TTN: variants seen among roughly 807,000 people sequenced by gnomAD.
TTN encodes the protein titin.
Under a neutral mutation model 3,223.0 loss-of-function variants are expected in TTN, and 1,525 were observed. The ratio of observed to expected loss-of-function variants is 0.47; its 90% CI spans 0.45 to 0.49. The LOEUF (loss-of-function observed/expected upper bound fraction) is 0.49, where lower values mean the gene tolerates loss of function less well. Ranked by LOEUF, TTN falls within the 20% of genes least tolerant of loss-of-function variation. TTN has a pLI of 0.00. For missense variants in TTN, 40,786 were observed against 43,424.0 expected, an observed-to-expected ratio of 0.94 and a Z score of 5.40; for synonymous variants, 14,094 against 15,161.0, an observed-to-expected ratio of 0.93 and a Z score of 5.17.
In TTN at chr2:178,688,747, T is replaced by C; in HGVS notation, c.32127A>G (p.Glu10709=). Residue 10709 remains glutamate (E), a synonymous_variant, in exon 126 of 363, where the codon GAA becomes GAG. Coordinates refer to ENST00000589042, the MANE Select transcript of TTN (RefSeq NM_001267550.2). Reference sequence around the variant, plus strand: ...GTTTTTCTTCAGCAACAAATCTCTTTTCTTCTACAACAGTTTTCTTAGAGA... The same window carrying C: ...GTTTTTCTTCAGCAACAAATCTCTTCTCTTCTACAACAGTTTTCTTAGAGA... ...AEVSKKTVVE[E]KRFVAEEKLS... 1 of 1,613,546 alleles carries C rather than the reference T, an allele frequency of 6.2e-7. No homozygotes were observed.
rs978606098 is a variant in TTN, at chr2:178,715,896, G to C, written c.25640-122C>G. 8.7e-6 allele frequency: 8 copies of C among 922,090 alleles called. No individual in the cohort carries two copies. In the Admixed American group the frequency reaches 9.2e-5, roughly 11 times the overall value. The allele number at this position is 922,090 out of a possible 1,614,324, so 57.1% of individuals were successfully genotyped here. ...TAGCTCTGGAAAACAAATTTATGCA[G>C]TTCAAGGAAGAAGAGTTAAATGAAA... On this transcript the variant is annotated intron_variant, in intron 88 of 362. Transcript: ENST00000589042.
rs767194702 is a variant in TTN, at chr2:178,562,723, G to A, written c.83409C>T (p.Val27803=). Reference sequence around the variant, plus strand: ...CTTTTCTTGTAGTTTCTCGTTTTTCGACAATGTAGTTTGTAATCTTAGCTC... The same window carrying A: ...CTTTTCTTGTAGTTTCTCGTTTTTCAACAATGTAGTTTGTAATCTTAGCTC... The part of the protein sequence containing the change: ...DGGAKITNYI[V]EKRETTRKAY... Residue 27803 remains valine (V), a synonymous_variant, in exon 326 of 363, where the codon GTC becomes GTT. Coordinates refer to ENST00000589042, the MANE Select transcript of TTN (RefSeq NM_001267550.2). The A allele has an allele frequency of 1.0e-5, 16 of 1,599,668 alleles. No individual in the cohort carries two copies. Among genetic ancestry groups the A allele is most frequent in the Admixed American group, 5.2e-5 (3 of 57,580 alleles).
At chr2:178,671,779 A>G (rs1171901944) in intron 155 of TTN, among the ~76,000 whole-genome samples, 192 bp downstream of exon 155, 1 of 151,808 alleles carries the variant, frequency 6.6e-6, no homozygotes, top group African/African-American at 2.4e-5. Context: ...GTAGATATCA[A>G]ATATTACTAT....
rs1410470675 is a variant in TTN, at chr2:178,733,389, C to T, written c.15904G>A (p.Val5302Ile). Residue 5302 changes from valine to isoleucine, a missense_variant, in exon 54 of 363, where the codon GTC (valine) becomes ATC (isoleucine). Transcript: ENST00000589042. ...PKWYKDGRPLVASKKYRISFK... is the reference protein window; with the variant it reads ...PKWYKDGRPLIASKKYRISFK... ...CTTATTCGGTATTTTTTACTGGCGA[C>T]CAAGGGTCTCCCATCTTTGTACCAT... is the stretch of plus-strand genomic sequence containing the variant. 2 of 1,613,628 alleles carry T rather than the reference C, an allele frequency of 1.2e-6. No individual in the cohort carries two copies. The highest frequency in any genetic ancestry group is 1.7e-6 in the Non-Finnish European group (2 of 1,179,774).
At position 178,632,514 on chromosome 2, in the gene TTN, A is replaced by G; in HGVS notation, c.43480+12T>C. Reference sequence around the variant, plus strand: ...ATGATTTTGGGGTGGACTATTTGATAAAACTATTTACCTTCAATGATCAGT... The same window carrying G: ...ATGATTTTGGGGTGGACTATTTGATGAAACTATTTACCTTCAATGATCAGT... On this transcript the variant is annotated intron_variant, in intron 235 of 362. Coordinates refer to ENST00000589042, the MANE Select transcript of TTN (RefSeq NM_001267550.2). 6.2e-7 allele frequency: 1 copy of G among 1,610,020 alleles called. No individual in the cohort carries two copies. The highest frequency in any genetic ancestry group is 8.5e-7 in the Non-Finnish European group (1 of 1,178,834).
intron 250 of TTN, 49 bp downstream of exon 250, chr2:178,619,572 A>G: frequency 6.3e-7 from 1 of 1,592,192 alleles, no homozygotes; most frequent in Admixed American, 1.8e-5. Flanking sequence ...GAAATCTGAA[A>G]TCTAAACTCT....
Position 178,531,317 on chromosome 2 carries a change from C to G in TTN, c.105298G>C (p.Ala35100Pro). 1 of 1,613,984 alleles carries G rather than the reference C, an allele frequency of 6.2e-7. No individual in the cohort carries two copies. Among genetic ancestry groups the G allele is most frequent in the Non-Finnish European group, 8.5e-7 (1 of 1,179,878 alleles). ...GCAGCACTTTTCATTTCTGCAGATG[C>G]AGAGTGTTCATATGAGGAGAGACTT... ...RESLSSYEHS[A>P]SAEMKSAALE... The change falls in exon 358 of 363, where the codon GCA becomes CCA. Residue 35100 changes from alanine to proline, a missense_variant. Transcript: ENST00000589042.
chr2:178,572,365 G>C lies in TTN; in HGVS notation c.73767C>G (p.Tyr24589Ter). The C allele has an allele frequency of 6.2e-7, 1 of 1,612,652 alleles. No homozygotes were observed. Among genetic ancestry groups the C allele is most frequent in the Non-Finnish European group, 8.5e-7 (1 of 1,178,926 alleles). Residue 24589 changes from tyrosine (Y) to a stop codon, truncating the protein, a stop_gained, in exon 326 of 363, where the codon TAC (tyrosine) becomes TAG (stop). Coordinates refer to ENST00000589042, the MANE Select transcript of TTN (RefSeq NM_001267550.2). LOFTEE classifies it high-confidence loss of function. ...KVDQLQEGCS[Y>*]YFRVLAENEY... ...CATTTTCTGCGAGAACCCTGAAATA[G>C]TAGCTACAGCCTTCTTGAAGCTGGT...
Position 178,739,208 on chromosome 2 carries a change from A to G in TTN, c.14025T>C (p.Tyr4675=). 1 of 1,560,722 alleles carries G rather than the reference A, an allele frequency of 6.4e-7. No homozygotes were observed. ...KVNTEDHQGE[Y]VCEALNDSGK... is the part of the protein sequence containing the mutation. ...CGCTGTCATTCAAGGCCTCACAGAC[A>G]TACTCTCCTTGATGGTCTTCGGTAT... is the stretch of plus-strand genomic sequence containing the variant. The change falls in exon 48 of 363, where the codon TAT becomes TAC. Residue 4675 remains tyrosine (Y), a synonymous_variant. Transcript: ENST00000589042.
At chr2:178,751,179 T>C in intron 47 of TTN, 1 of 1,611,384 alleles carries the variant, frequency 6.2e-7, no homozygotes, top group Non-Finnish European at 8.5e-7. Context: ...GAGAACAGAA[T>C]ATCTTTATCA....
In TTN at chr2:178,551,215, A is replaced by G. The variant is rs561319486; in HGVS notation, c.91316T>C (p.Ile30439Thr). The G allele has an allele frequency of 9.3e-6, 15 of 1,613,432 alleles. No homozygotes were observed. In the East Asian group the frequency reaches 3.1e-4, roughly 34 times the overall value. Reference sequence around the variant, plus strand: ...CAATGGTGGGTTCCATTTAAGTGTGATGGTTTCCCGGGTGACATCAATGTA... The same window carrying G: ...CAATGGTGGGTTCCATTTAAGTGTGGTGGTTTCCCGGGTGACATCAATGTA... ...PDYIDVTRET[I>T]TLKWNPPLRD... The change falls in exon 336 of 363, where the codon ATC becomes ACC. Residue 30439 changes from isoleucine (I) to threonine (T), a missense_variant. Physicochemically the swap from Ile to Thr is moderately conservative, Grantham distance 89. Coordinates refer to ENST00000589042, the MANE Select transcript of TTN (RefSeq NM_001267550.2).
Position 178,617,141 on chromosome 2 carries a change from G to C in TTN, c.47854C>G (p.Leu15952Val), listed in dbSNP as rs2057492461. 2 of 1,608,988 alleles carry C rather than the reference G, an allele frequency of 1.2e-6. No homozygotes were observed. Among genetic ancestry groups the C allele is most frequent in the Non-Finnish European group, 1.7e-6 (2 of 1,177,394 alleles). ...VSDPSEILGP[L>V]TADDAFVEPT... is the part of the protein sequence containing the mutation. Reference sequence around the variant, plus strand: ...TTACCAAATGCATCGTCAGCGGTGAGAGGACCAAGAATTTCAGATGGATCT... The same window carrying C: ...TTACCAAATGCATCGTCAGCGGTGACAGGACCAAGAATTTCAGATGGATCT... The change falls in exon 255 of 363, where the codon CTC becomes GTC. Residue 15952 changes from leucine to valine, a missense_variant. Coordinates refer to ENST00000589042, the MANE Select transcript of TTN (RefSeq NM_001267550.2).
chr2:178,776,525 G>A lies in TTN; in HGVS notation c.5339C>T (p.Thr1780Ile). 6.2e-7 allele frequency: 1 copy of A among 1,609,848 alleles called. No homozygotes were observed. The highest frequency in any genetic ancestry group is 1.1e-5 in the South Asian group (1 of 91,086). ...RDSGIITCRATNKYGTDHTSA... is the reference protein window; with the variant it reads ...RDSGIITCRAINKYGTDHTSA... ...TGTGTGATCTGTTCCATATTTGTTA[G>A]TGGCTCTGCAAGTAATGATACCACT... Residue 1780 changes from threonine (T) to isoleucine (I), a missense_variant, in exon 28 of 363, where the codon ACT (threonine) becomes ATT (isoleucine). Transcript: ENST00000589042.
Position 178,725,537 on chromosome 2 carries a change from T to G in TTN, c.20667A>C (p.Lys6889Asn). The G allele has an allele frequency of 6.2e-7, 1 of 1,613,280 alleles. No homozygotes were observed. The highest frequency in any genetic ancestry group is 8.5e-7 in the Non-Finnish European group (1 of 1,179,474). Reference protein sequence around the residue: ...GAQPIFVQWLKEKEEVIRESE... With the variant: ...GAQPIFVQWLNEKEEVIRESE... ...TTTCTCTAATCACTTCTTCCTTCTCTTTAAGCCACTGGACAAAAATAGGCT... is the reference window on the plus strand; with the variant it reads ...TTTCTCTAATCACTTCTTCCTTCTCGTTAAGCCACTGGACAAAAATAGGCT... The change falls in exon 71 of 363, where the codon AAA becomes AAC. Residue 6889 changes from lysine (K) to asparagine (N), a missense_variant. Transcript: ENST00000589042.
At position 178,793,418 on chromosome 2, in the gene TTN, C is replaced by T. The variant is rs547496340; in HGVS notation, c.1522G>A (p.Val508Ile). 17 of 1,614,124 alleles carry T rather than the reference C, an allele frequency of 1.1e-5. No individual in the cohort carries two copies. The highest frequency in any genetic ancestry group is 6.7e-5 in the Admixed American group (4 of 60,016). ...VITTKQEQMH[V>I]THEQIRKETE... ...CCCATTTTCACCTGCTCATGAGTTA[C>T]GTGCATCTGCTCTTGCTTTGTGGTA... Residue 508 changes from valine to isoleucine, a missense_variant, in exon 9 of 363, where the codon GTA becomes ATA. By Grantham distance (29) the Val-to-Ile change is conservative. Coordinates refer to ENST00000589042, the MANE Select transcript of TTN (RefSeq NM_001267550.2).
At position 178,564,672 on chromosome 2, in the gene TTN, C is replaced by T; in HGVS notation, c.81460G>A (p.Gly27154Ser). The T allele has an allele frequency of 6.2e-7, 1 of 1,613,466 alleles. No individual in the cohort carries two copies. The highest frequency in any genetic ancestry group is 1.1e-5 in the South Asian group (1 of 91,068). ...EFKVSAENIV[G>S]IGKPSKVSEC... ...GACACTTTGCTAGGCTTGCCAATGCCAACAATATTTTCAGCAGAAACTTTG... is the reference window on the plus strand; with the variant it reads ...GACACTTTGCTAGGCTTGCCAATGCTAACAATATTTTCAGCAGAAACTTTG... The change falls in exon 326 of 363, where the codon GGC becomes AGC. Residue 27154 changes from glycine to serine, a missense_variant. Physicochemically the swap from Gly to Ser is moderately conservative, Grantham distance 56 (BLOSUM62 0). Transcript: ENST00000589042.
In TTN at chr2:178,780,113, C is replaced by A. The variant is rs200749662; in HGVS notation, c.3616G>T (p.Ala1206Ser). The A allele has an allele frequency of 1.4e-4, 222 of 1,613,742 alleles. No individual in the cohort carries two copies. The highest frequency in any genetic ancestry group is 1.9e-4 in the Non-Finnish European group (219 of 1,179,826). ...TACTCAGAGTATACAAATCCAGGTG[C>A]TGTTTCTCCAACTTTAGGTTCTTGA... ...FVQEPKVGET[A>S]PGFVYSEYEK... Residue 1206 changes from alanine to serine, a missense_variant, in exon 22 of 363, where the codon GCA becomes TCA. Transcript: ENST00000589042.
Position 178,547,243 on chromosome 2 carries a change from G to T in TTN, c.94282C>A (p.Arg31428Ser), listed in dbSNP as rs190282707. The stretch of plus-strand genomic sequence containing the variant: ...CCATCGTGGTAGGGTTCTTCCCAAC[G>T]AATAGACATGGCATTGGCAGACACA... ...YHVSANAMSI[R>S]WEEPYHDGGS... is the part of the protein sequence containing the mutation. Residue 31428 changes from arginine to serine, a missense_variant, in exon 340 of 363, where the codon CGT (arginine) becomes AGT (serine). Physicochemically the swap from Arg to Ser is moderately radical, Grantham distance 110. Coordinates refer to ENST00000589042, the MANE Select transcript of TTN (RefSeq NM_001267550.2). 4.3e-5 allele frequency: 69 copies of T among 1,613,646 alleles called. No homozygotes were observed. Among genetic ancestry groups the T allele is most frequent in the African/African-American group, 5.3e-5 (4 of 74,890 alleles).
chr2:178,587,758 A>T lies in TTN; in HGVS notation c.63551T>A (p.Val21184Asp). The change falls in exon 306 of 363, where the codon GTC becomes GAC. Residue 21184 changes from valine to aspartate, a missense_variant. Val to Asp is a radical substitution (Grantham distance 152, BLOSUM62 -3). Coordinates refer to ENST00000589042, the MANE Select transcript of TTN (RefSeq NM_001267550.2). ...IDLDASMRKL[V>D]IVRAGCPIRL... ...AATAGGGCATCCTGCTCTCACTATG[A>T]CCAGTTTCCTCATGCTGGCATCCAA... The T allele has an allele frequency of 6.2e-7, 1 of 1,609,228 alleles. No individual in the cohort carries two copies. The highest frequency in any genetic ancestry group is 8.5e-7 in the Non-Finnish European group (1 of 1,176,910).
Sources: gnomAD v4.1 joint callset for allele counts (sites outside exome capture counted in the v4.1 genomes callset) on GRCh38, gnomAD v4.1.1 for gene constraint, MANE v1.5 for transcripts, NCBI Gene and HGNC (gene_info 2026-07-23, HGNC 2026-07-21) for gene names.